C12orf42: variants seen among roughly 807,000 people sequenced by gnomAD.
C12orf42 encodes uncharacterized protein C12orf42.
In C12orf42, 25 loss-of-function variants were observed where a neutral mutation model predicts 21.6. The observed-to-expected ratio is 1.16, with a 90% CI of 0.84 to 1.62. C12orf42 has a LOEUF of 1.62. Ranked by LOEUF, C12orf42 falls within the 40% of genes most tolerant of loss-of-function variation. The pLI is 0.00. For missense variants in C12orf42, 483 were observed against 459.3 expected, an observed-to-expected ratio of 1.05 and a Z score of -0.47; for synonymous variants, 174 against 175.0, an observed-to-expected ratio of 0.99 and a Z score of 0.05.
At chr12:103,164,827 G>A in the C12orf42 span, 4,152 of 417,166 alleles carry the variant, frequency 1.0e-2, 37 homozygotes, top group Middle Eastern at 0.014. Context: ...AAGATAAATT[G>A]GCAGGCAACC....
intron 2 of C12orf42, among the ~76,000 whole-genome samples, chr12:103,436,417 T>G (rs534634685): frequency 0.013 from 1,969 of 152,068 alleles, 24 homozygotes; most frequent in Non-Finnish European, 0.02. Context: ...ACTTTAAATG[T>G]AAATGGACTA....
At chr12:103,118,012 G>A in the C12orf42 span, among the ~76,000 whole-genome samples, 4 of 152,200 alleles carry the variant, frequency 2.6e-5, no homozygotes, top group South Asian at 8.3e-4. Context: ...GGAAAGTGAA[G>A]CATTAGATAC....
the C12orf42 span, chr12:103,550,376 A>G: frequency 4.6e-5 from 7 of 152,172 alleles, no homozygotes; most frequent in African/African-American, 1.4e-4. Context: ...CAATATTTGT[A>G]GAGTATTCCA....
At chr12:103,129,968 C>T in the C12orf42 span, among the ~76,000 whole-genome samples, 2 of 152,154 alleles carry the variant, frequency 1.3e-5, no homozygotes, top group African/African-American at 4.8e-5. Context: ...TCCAGGATAA[C>T]ATCAAGGATA....
the C12orf42 span, among the ~76,000 whole-genome samples, chr12:103,130,048 T>C: frequency 2.0e-5 from 3 of 152,234 alleles, no homozygotes; most frequent in African/African-American, 7.2e-5. Flanking sequence ...CCCAAAGATT[T>C]GCATTGTTCA....
At chr12:103,497,011 C>G (rs969293284), upstream of C12orf42, among the ~76,000 whole-genome samples, 1 of 151,992 alleles carries the variant, frequency 6.6e-6, no homozygotes, top group Non-Finnish European at 1.5e-5. Flanking sequence ...GCTAAAGTCT[C>G]GTGATCATCG....
chr12:103,530,672 TG>T, the C12orf42 span, among the ~76,000 whole-genome samples: 1 of 151,812 alleles, frequency 6.6e-6, no homozygotes. Context: ...ATTGGTGAGA[TG>T]GGGGAGGTGA....
At chr12:103,147,542 T>A in the C12orf42 span, among the ~76,000 whole-genome samples, 1 of 143,928 alleles carries the variant, frequency 6.9e-6, no homozygotes, top group Non-Finnish European at 1.5e-5. Context: ...ATGAAACTTC[T>A]GTCTCTTTTT....
chr12:103,157,992 A>G, the C12orf42 span, among the ~76,000 whole-genome samples: 4 of 152,198 alleles, frequency 2.6e-5, no homozygotes, highest in Admixed American at 1.3e-4. Flanking sequence ...TCACAAAGAA[A>G]TATTTTCTTA....
chr12:103,165,813 G>C, the C12orf42 span, among the ~76,000 whole-genome samples: 4 of 151,974 alleles, frequency 2.6e-5, no homozygotes, highest in Non-Finnish European at 5.9e-5. Context: ...AGGCCGAGGG[G>C]GTAGATCACT....
At chr12:103,393,690 T>C (rs912581751) in intron 3 of C12orf42, among the ~76,000 whole-genome samples, 4 of 152,260 alleles carry the variant, frequency 2.6e-5, no homozygotes, top group Non-Finnish European at 5.9e-5. Flanking sequence ...TTTTGTTCAC[T>C]GCTATATGCC....
At chr12:103,293,584 TA>T (rs957911003) in intron 4 of C12orf42, among the ~76,000 whole-genome samples, 2 of 152,136 alleles carry the variant, frequency 1.3e-5, no homozygotes, top group Non-Finnish European at 2.9e-5. Flanking sequence ...CTACTGCACT[TA>T]CTCACTTTAA....
At chr12:103,060,512 A>G in the C12orf42 span, among the ~76,000 whole-genome samples, 1 of 152,184 alleles carries the variant, frequency 6.6e-6, no homozygotes, top group East Asian at 1.9e-4. Context: ...GAGCTCATGC[A>G]GCCAAGAGAA....
At chr12:103,548,468 T>C in the C12orf42 span, among the ~76,000 whole-genome samples, 1 of 152,106 alleles carries the variant, frequency 6.6e-6, no homozygotes, top group African/African-American at 2.4e-5. Flanking sequence ...GACCATCTAA[T>C]GAAACTCGAC....
At position 103,258,349 on chromosome 12, in the gene C12orf42, T is replaced by C. The variant is rs530384398; in HGVS notation, c.*1366+4977A>G. ...AAAGTGATCAGAATAAAAATAGATA[T>C]GTCAGCTAACAAAAATCTTCAGCAA... On this transcript the variant is annotated intron_variant and NMD_transcript_variant, in intron 10 of 10. Coordinates refer to the C12orf42 transcript ENST00000547347. Among the ~76,000 whole-genome samples, 164 of 152,168 alleles carry C rather than the reference T, an allele frequency of 1.1e-3. 1 individual carries two copies. The highest frequency in any genetic ancestry group is 9.8e-3 in the Admixed American group (149 of 15,268).
At chr12:103,179,127 C>A in the C12orf42 span, among the ~76,000 whole-genome samples, 1 of 152,132 alleles carries the variant, frequency 6.6e-6, no homozygotes, top group East Asian at 1.9e-4. Flanking sequence ...CTAATTCATA[C>A]CCCAAACTTG....
intron 3 of C12orf42, among the ~76,000 whole-genome samples, chr12:103,398,520 G>A (rs953370686): frequency 3.3e-5 from 5 of 151,964 alleles, no homozygotes; most frequent in African/African-American, 1.2e-4. Context: ...AATTTTTAAT[G>A]TAGTAAAATT....
At chr12:103,482,383 T>C (rs1227847430) in intron 1 of C12orf42, among the ~76,000 whole-genome samples, 1 of 152,150 alleles carries the variant, frequency 6.6e-6, no homozygotes, top group African/African-American at 2.4e-5. Flanking sequence ...CACCATCTTA[T>C]AGTTTTCATT....
chr12:103,467,712 A>C (rs1211630790), intron 2 of C12orf42, among the ~76,000 whole-genome samples: 3 of 152,232 alleles, frequency 2.0e-5, no homozygotes, highest in Non-Finnish European at 2.9e-5. Context: ...CATGATGCCC[A>C]TTGCCATAAG....
Sources: gnomAD v4.1 joint callset for allele counts (sites outside exome capture counted in the v4.1 genomes callset) on GRCh38, gnomAD v4.1.1 for gene constraint, MANE v1.5 for transcripts, NCBI Gene and HGNC (gene_info 2026-07-23, HGNC 2026-07-21) for gene names.